Variants in CHIC1 observed in about 807,000 individuals in gnomAD.
CHIC1 encodes cysteine rich hydrophobic domain 1.
A neutral mutation model predicts 18.5 loss-of-function variants in CHIC1; 7 were observed. That is an observed-to-expected ratio of 0.38 (90% CI 0.22 to 0.71). The LOEUF is 0.71. Among genes scored for constraint, CHIC1 ranks in the 30% least tolerant of loss-of-function variants. CHIC1 has a pLI of 0.49. For synonymous variants in CHIC1, 77 were observed against 73.5 expected (o/e 1.05, Z -0.25); for missense variants, 159 against 176.9 (o/e 0.90, Z 0.57).
At chrX:73,571,548 G>A (rs1037146967) in intron 1 of CHIC1, among the ~76,000 whole-genome samples, 2 of 111,300 alleles carry the variant, frequency 1.8e-5, no homozygotes, top group African/African-American at 6.5e-5. Flanking sequence ...AGAAGCAGAT[G>A]AAGATTGCCG....
intron 3 of CHIC1, among the ~76,000 whole-genome samples, chrX:73,632,356 G>T (rs1445608872): frequency 4.5e-5 from 5 of 111,910 alleles, no homozygotes; most frequent in African/African-American, 9.8e-5. Context: ...CCTAGTGTGT[G>T]TCTCGTGAGC....
At chrX:73,648,125 C>T (rs958729309) in intron 3 of CHIC1, among the ~76,000 whole-genome samples, 3 of 111,280 alleles carry the variant, frequency 2.7e-5, no homozygotes, top group African/African-American at 9.8e-5. Context: ...AGGGACCTGA[C>T]CATTGAAAGA....
intron 1 of CHIC1, among the ~76,000 whole-genome samples, chrX:73,574,369 G>T (rs2057486488): frequency 9.0e-6 from 1 of 110,509 alleles, no homozygotes; most frequent in Non-Finnish European, 1.9e-5. Context: ...GTTCGTCAGG[G>T]ATATGGACCA....
rs1349395953 is a variant in CHIC1 at position 73,681,239 on chromosome X, A to T, written c.*234A>T. On this transcript the variant is annotated 3_prime_UTR_variant, in exon 6 of 6. Transcript: ENST00000373502. ...TAAATACACACACATGCGTGTGTGC[A>T]TATACATATATAGATAGTTGCCATT... 3.4e-6 allele frequency: 1 copy of T among 297,548 alleles called. No homozygotes were observed. The highest frequency in any genetic ancestry group is 5.8e-6 in the Non-Finnish European group (1 of 173,750). The allele number at this position is 297,548 out of a possible 1,213,427, so 24.5% of individuals were successfully genotyped here. A position where few individuals can be genotyped will look rare whatever the true frequency, so the allele number is the denominator to read the frequency against.
chrX:73,644,872 A>T (rs1312047896), intron 3 of CHIC1, among the ~76,000 whole-genome samples: 1 of 111,493 alleles, frequency 9.0e-6, no homozygotes, highest in African/African-American at 3.3e-5. Flanking sequence ...GCCGTCTGTC[A>T]TCCCTTTCTT....
At chrX:73,639,673 T>C (rs1316569338) in intron 3 of CHIC1, among the ~76,000 whole-genome samples, 4 of 111,926 alleles carry the variant, frequency 3.6e-5, no homozygotes, top group Non-Finnish European at 5.6e-5. Flanking sequence ...CTTTAATTCA[T>C]TGAGTTAATT....
intron 1 of CHIC1, among the ~76,000 whole-genome samples, chrX:73,572,998 T>C (rs2057478587): frequency 9.0e-6 from 1 of 111,676 alleles, no homozygotes; most frequent in Non-Finnish European, 1.9e-5. Context: ...TTCTAAGGAC[T>C]TAGTCATGAA....
At chrX:73,646,071 A>G (rs2057887899) in intron 3 of CHIC1, among the ~76,000 whole-genome samples, 3 of 111,581 alleles carry the variant, frequency 2.7e-5, no homozygotes, top group African/African-American at 9.8e-5. Context: ...TATGTATGGT[A>G]TGAGGTAAGG....
intron 3 of CHIC1, among the ~76,000 whole-genome samples, chrX:73,674,410 A>AGGCAT (rs1207015224): frequency 9.9e-5 from 11 of 111,587 alleles, no homozygotes; most frequent in Non-Finnish European, 1.9e-4. Context: ...TCAATGTCAG[A>AGGCAT]TCCTGTTATT....
intron 2 of CHIC1, among the ~76,000 whole-genome samples, chrX:73,582,165 A>G (rs1022657973): frequency 9.1e-6 from 1 of 110,151 alleles, no homozygotes. Context: ...GTAAATTCCA[A>G]TTATAAGCAT....
chrX:73,600,804 A>G (rs946570481), intron 3 of CHIC1, among the ~76,000 whole-genome samples: 1 of 107,194 alleles, frequency 9.3e-6, no homozygotes, highest in Non-Finnish European at 1.9e-5. Context: ...TGCTGTATTC[A>G]GGAAACCCAT....
At position 73,605,706 on chromosome X, in the gene CHIC1, G is replaced by A. The variant is rs888923840; in HGVS notation, c.507+21134G>A. The stretch of plus-strand genomic sequence containing the variant: ...AGGCCTGGTGATGACAGAATCTCTC[G>A]GCATTTACTTGTCTGTAGAGGATTT... On this transcript the variant is annotated intron_variant, in intron 3 of 5. Coordinates refer to ENST00000373502, the MANE Select transcript of CHIC1 (RefSeq NM_001039840.4). 3.7e-5 allele frequency among the ~76,000 whole-genome samples: 4 copies of A among 108,320 alleles called. No homozygotes were observed. The East Asian group carries it at 8.6e-4, about 23-fold the overall frequency. The allele number at this position is 108,320 out of a possible 115,157, so 94.1% of individuals were successfully genotyped here. A position where few individuals can be genotyped will look rare whatever the true frequency, so the allele number is the denominator to read the frequency against.
intron 3 of CHIC1, among the ~76,000 whole-genome samples, chrX:73,602,810 A>C (rs1161483476): frequency 9.2e-6 from 1 of 108,764 alleles, no homozygotes; most frequent in African/African-American, 3.6e-5. Flanking sequence ...GGTTTGTCAA[A>C]GATCAGGTGG....
At chrX:73,609,703 A>G (rs749091905) in intron 3 of CHIC1, among the ~76,000 whole-genome samples, 1 of 110,024 alleles carries the variant, frequency 9.1e-6, no homozygotes, top group African/African-American at 3.5e-5. Flanking sequence ...CTACATATTT[A>G]TGGAGTACAT....
chrX:73,682,322 A>G lies in CHIC1; in HGVS notation c.*1317A>G, dbSNP rs1238713576. On this transcript the variant is annotated 3_prime_UTR_variant, in exon 6 of 6. Coordinates refer to ENST00000373502, the MANE Select transcript of CHIC1 (RefSeq NM_001039840.4). Reference sequence around the variant, plus strand: ...TTAAAATGATTGCTAGCACCACACAACTAGAATTTGAAAATTCAGTATAAT... The same window carrying G: ...TTAAAATGATTGCTAGCACCACACAGCTAGAATTTGAAAATTCAGTATAAT... The G allele has an allele frequency of 1.8e-5, 2 of 112,077 alleles. No individual in the cohort carries two copies. The highest frequency in any genetic ancestry group is 3.8e-5 in the Non-Finnish European group (2 of 52,940). 9.2% of individuals were successfully genotyped at this position (112,077 alleles called of 1,213,427 possible).
At chrX:73,680,906 T>C (rs1274820069) in intron 5 of CHIC1, 49 bp from the exon 6 acceptor site, 4 of 679,502 alleles carry the variant, frequency 5.9e-6, no homozygotes, top group Non-Finnish European at 9.0e-6. Context: ...TTATAAGTTA[T>C]ATTAAATGAA....
chrX:73,573,737 T>C (rs1045274931), intron 1 of CHIC1, among the ~76,000 whole-genome samples: 1 of 111,340 alleles, frequency 9.0e-6, no homozygotes, highest in Admixed American at 9.5e-5. Context: ...TTAAACGTTA[T>C]TGGTGTATAG....
At chrX:73,649,717 T>G (rs1401075516) in intron 3 of CHIC1, among the ~76,000 whole-genome samples, 1 of 111,866 alleles carries the variant, frequency 8.9e-6, no homozygotes, top group Non-Finnish European at 1.9e-5. Context: ...ACAAAGAGAC[T>G]TAGACTCCCA....
At chrX:73,615,677 G>A (rs1046539861) in intron 3 of CHIC1, among the ~76,000 whole-genome samples, 10 of 111,184 alleles carry the variant, frequency 9.0e-5, no homozygotes, top group African/African-American at 2.9e-4. Flanking sequence ...TGGGGTTGGT[G>A]GAGCTGGTCC....
Sources: allele counts gnomAD v4.1 joint callset (sites outside exome capture counted in the v4.1 genomes callset), GRCh38; gene constraint gnomAD v4.1.1; transcripts MANE v1.5; gene names NCBI Gene and HGNC (gene_info 2026-07-23, HGNC 2026-07-21).